MYO1H: variants seen among roughly 807,000 people sequenced by gnomAD.
The protein encoded by MYO1H is unconventional myosin-Ih.
Under a neutral mutation model 149.3 loss-of-function variants are expected in MYO1H, and 118 were observed. The ratio of observed to expected loss-of-function variants is 0.79; its 90% CI spans 0.68 to 0.92. The LOEUF is 0.92. MYO1H is among the 40% of genes least tolerant of loss of function. The pLI is 0.00. For missense variants in MYO1H, 1,212 were observed against 1,280.7 expected (o/e 0.95, Z 0.82); for synonymous variants, 447 against 465.2 (o/e 0.96, Z 0.50).
chr12:109,363,065 T>C (rs1454154280), intron 1 of MYO1H, among the ~76,000 whole-genome samples: 1 of 152,220 alleles, frequency 6.6e-6, no homozygotes, highest in Non-Finnish European at 1.5e-5. Flanking sequence ...CTCATAGTTA[T>C]CTCCGCAATT....
intron 10 of MYO1H, among the ~76,000 whole-genome samples, chr12:109,409,110 T>A (rs908603333): frequency 1.3e-5 from 2 of 152,140 alleles, no homozygotes; most frequent in Non-Finnish European, 2.9e-5. Context: ...TACATCATCT[T>A]TAAATACCCA....
At chr12:109,313,736 A>G in the MYO1H span, among the ~76,000 whole-genome samples, 1 of 152,228 alleles carries the variant, frequency 6.6e-6, no homozygotes, top group Non-Finnish European at 1.5e-5. Context: ...GTTATGGACT[A>G]TGATCCACAA....
chr12:109,331,429 G>T, the MYO1H span, among the ~76,000 whole-genome samples: 1 of 151,826 alleles, frequency 6.6e-6, no homozygotes, highest in Non-Finnish European at 1.5e-5. Context: ...TCTGAGATTT[G>T]GCATGGGCCG....
intron 12 of MYO1H, 47 bp downstream of exon 12, chr12:109,410,115 A>T: frequency 3.2e-6 from 3 of 934,314 alleles, no homozygotes; most frequent in Non-Finnish European, 4.6e-6. Context: ...TCATCTAGCT[A>T]AAGACTTCTT....
chr12:109,388,582 C>G, intron 1 of MYO1H, 101 bp from the exon 2 acceptor site: 2 of 1,100,850 alleles, frequency 1.8e-6, no homozygotes, highest in Non-Finnish European at 2.5e-6. Flanking sequence ...TGCTGGCTCT[C>G]TACTATCCCA....
At chr12:109,402,946 A>G (rs761650830) in intron 6 of MYO1H, among the ~76,000 whole-genome samples, 25 of 152,214 alleles carry the variant, frequency 1.6e-4, no homozygotes, top group Non-Finnish European at 3.4e-4. Context: ...CATTAATTCA[A>G]CTAGATCTTT....
chr12:109,333,181 G>A, the MYO1H span, among the ~76,000 whole-genome samples: 1 of 152,070 alleles, frequency 6.6e-6, no homozygotes, highest in Non-Finnish European at 1.5e-5. Context: ...TTAGCCAGGC[G>A]TGGTGGCAGG....
the MYO1H span, among the ~76,000 whole-genome samples, chr12:109,322,793 C>G: frequency 7.0e-6 from 1 of 142,962 alleles, no homozygotes; most frequent in Non-Finnish European, 1.5e-5. Flanking sequence ...GTACTCCAGC[C>G]TGGATGGCAG....
chr12:109,349,961 G>GGAA (rs1555247649), intron 1 of MYO1H, among the ~76,000 whole-genome samples: 4 of 131,872 alleles, frequency 3.0e-5, no homozygotes, highest in African/African-American at 8.8e-5. Context: ...ACTCTGTCTT[G>GGAA]AAAAAAAAAA....
At chr12:109,446,410 A>G (rs1425872955) in intron 31 of MYO1H, 14 of 985,414 alleles carry the variant, frequency 1.4e-5, no homozygotes, top group Non-Finnish European at 1.7e-5. Flanking sequence ...TTAATTAAAA[A>G]ATGGTCTGTG....
intron 1 of MYO1H, among the ~76,000 whole-genome samples, chr12:109,367,119 T>G (rs1481416492): frequency 6.6e-6 from 1 of 152,206 alleles, no homozygotes; most frequent in African/African-American, 2.4e-5. Context: ...AAAAACTCAC[T>G]TTTACATAGT....
rs376328822 is a variant in MYO1H, at chr12:109,378,438, A to T, written c.13-10245A>T. Among the ~76,000 whole-genome samples, 4 of 151,720 alleles carry T rather than the reference A, an allele frequency of 2.6e-5. No homozygotes were observed. In the East Asian group the frequency reaches 7.7e-4, roughly 29 times the overall value. On this transcript the variant is annotated intron_variant, in intron 1 of 31. Transcript: ENST00000310903. The stretch of plus-strand genomic sequence containing the variant: ...CAGACTTAAGCAATCCTCCCACCTC[A>T]GCCTCCCAAATAGATGGTACCACAG...
chr12:109,349,888 G>A (rs7976108), intron 1 of MYO1H, among the ~76,000 whole-genome samples: 28,793 of 150,064 alleles, frequency 0.19, 4,234 homozygotes, highest in African/African-American at 0.41. Flanking sequence ...GTGAACCCGG[G>A]AGGCAGAGCT....
chr12:109,432,848 C>CTAGAGGAAGG, intron 19 of MYO1H, 49 bp from the exon 20 acceptor site: 1 of 1,521,564 alleles, frequency 6.6e-7, no homozygotes, highest in Non-Finnish European at 9.1e-7. Context: ...TGGGGGAGGG[C>CTAGAGGAAGG]TAGAGGAAGG....
the MYO1H span, among the ~76,000 whole-genome samples, chr12:109,322,149 G>A: frequency 4.6e-5 from 7 of 152,114 alleles, no homozygotes; most frequent in East Asian, 5.8e-4. Context: ...ACTGCTATAT[G>A]AAACACTTGC....
intron 1 of MYO1H, among the ~76,000 whole-genome samples, chr12:109,386,116 C>T (rs931889309): frequency 1.3e-5 from 2 of 152,140 alleles, no homozygotes; most frequent in African/African-American, 2.4e-5. Flanking sequence ...TCCTACAGTA[C>T]GACTCTTTTG....
intron 14 of MYO1H, among the ~76,000 whole-genome samples, chr12:109,414,619 A>G (rs1418466156): frequency 1.9e-4 from 29 of 152,206 alleles, no homozygotes; most frequent in Non-Finnish European, 1.5e-5. Flanking sequence ...TAGAAAAACA[A>G]AAGTTAATTT....
At chr12:109,355,545 G>A (rs999976848) in intron 1 of MYO1H, among the ~76,000 whole-genome samples, 1 of 152,134 alleles carries the variant, frequency 6.6e-6, no homozygotes, top group African/African-American at 2.4e-5. Flanking sequence ...TGTCGAGCAT[G>A]CAGCTTCCTG....
intron 15 of MYO1H, among the ~76,000 whole-genome samples, chr12:109,419,873 T>TAA (rs10533849): frequency 0.052 from 7,622 of 145,196 alleles, 269 homozygotes; most frequent in Middle Eastern, 0.085. Context: ...TCCCCCAACT[T>TAA]AAAAAAAAAA....
Sources: allele counts gnomAD v4.1 joint callset (sites outside exome capture counted in the v4.1 genomes callset), GRCh38; gene constraint gnomAD v4.1.1; transcripts MANE v1.5; gene names NCBI Gene and HGNC (gene_info 2026-07-23, HGNC 2026-07-21).